Variants in DPP6 observed in about 807,000 individuals in gnomAD.
The protein encoded by DPP6 is A-type potassium channel modulatory protein DPP6.
A neutral mutation model predicts 122.6 loss-of-function variants in DPP6; 69 were observed. The ratio of observed to expected loss-of-function variants is 0.56; its 90% confidence interval spans 0.46 to 0.69. The LOEUF (loss-of-function observed/expected upper bound fraction) is 0.69. Ranked by LOEUF, DPP6 falls within the 30% of genes least tolerant of loss-of-function variation. The pLI, the probability that DPP6 is intolerant of heterozygous loss-of-function variation, is 0.00. For synonymous variants in DPP6, 418 were observed against 433.1 expected, an observed-to-expected ratio of 0.97 and a Z score of 0.43; for missense variants, 928 against 1,116.9, an observed-to-expected ratio of 0.83 and a Z score of 2.41.
chr7:154,126,048 G>C (rs941564285), intron 1 of DPP6, among the ~76,000 whole-genome samples: 2 of 152,196 alleles, frequency 1.3e-5, no homozygotes. Flanking sequence ...CTCACTGTAA[G>C]AAGTGGTACC....
At chr7:154,061,381 G>C (rs879673929) in intron 1 of DPP6, among the ~76,000 whole-genome samples, 1 of 143,666 alleles carries the variant, frequency 7.0e-6, no homozygotes, top group Non-Finnish European at 1.5e-5. Context: ...ATGGCAGCTG[G>C]ACTTTTAACC....
intron 1 of DPP6, among the ~76,000 whole-genome samples, chr7:153,987,739 G>C (rs1278159113): frequency 6.6e-6 from 1 of 152,092 alleles, no homozygotes; most frequent in Non-Finnish European, 1.5e-5. Flanking sequence ...TTCTCCATCT[G>C]TTTCCCCTTG....
chr7:154,629,405 T>C (rs1835277296), intron 5 of DPP6, among the ~76,000 whole-genome samples: 1 of 152,168 alleles, frequency 6.6e-6, no homozygotes, highest in Non-Finnish European at 1.5e-5. Flanking sequence ...TCCTTTTTTT[T>C]CTCTTTTTTA....
chr7:154,566,826 C>T lies in DPP6; in HGVS notation c.553-16C>T, dbSNP rs761051001. 2 of 1,443,222 alleles carry T rather than the reference C, an allele frequency of 1.4e-6. No individual in the cohort carries two copies. Among genetic ancestry groups the T allele is most frequent in the Non-Finnish European group, 1.9e-6 (2 of 1,035,950 alleles). The allele number at this position is 1,443,222 out of a possible 1,614,324, so 89.4% of individuals were successfully genotyped here. A position where few individuals can be genotyped will look rare whatever the true frequency, so the allele number is the denominator to read the frequency against. ...TATGTAATGCTTTAAAATTCTTTGT[C>T]TATTTTTTCTTTTAGGAATCATTAA... On this transcript the variant is annotated splice_polypyrimidine_tract_variant and intron_variant, in intron 4 of 25. Coordinates refer to ENST00000377770, the MANE Select transcript of DPP6 (RefSeq NM_130797.4).
the DPP6 span, among the ~76,000 whole-genome samples, chr7:153,829,834 C>T: frequency 5.1e-4 from 77 of 152,276 alleles, no homozygotes; most frequent in African/African-American, 1.8e-3. Flanking sequence ...CCGATTGTTT[C>T]GGGTACTCTT....
the DPP6 span, among the ~76,000 whole-genome samples, chr7:153,824,557 G>A: frequency 4.0e-3 from 608 of 151,948 alleles, 1 homozygote; most frequent in African/African-American, 0.014. Context: ...CATGGTGGGC[G>A]CCTGTAGTCT....
chr7:154,583,802 G>A (rs79101242), intron 5 of DPP6, among the ~76,000 whole-genome samples: 2,061 of 152,192 alleles, frequency 0.014, 66 homozygotes, highest in African/African-American at 0.047. Context: ...TGCTGTCTCC[G>A]GGGAACGTAG....
intron 1 of DPP6, among the ~76,000 whole-genome samples, chr7:154,437,072 T>C (rs1283278846): frequency 2.6e-5 from 4 of 152,184 alleles, no homozygotes; most frequent in Admixed American, 6.5e-5. Flanking sequence ...CCCATGAAGA[T>C]GTCCGTATCC....
At chr7:154,739,152 A>G (rs1218780763) in intron 8 of DPP6, among the ~76,000 whole-genome samples, 1 of 152,136 alleles carries the variant, frequency 6.6e-6, no homozygotes, top group Non-Finnish European at 1.5e-5. Context: ...CGCATGACTC[A>G]TTGTCCAGAA....
chr7:154,212,148 C>A lies in DPP6; in HGVS notation c.243+159085C>A, dbSNP rs907534448. On this transcript the variant is annotated intron_variant, in intron 1 of 25. Coordinates refer to ENST00000377770, the MANE Select transcript of DPP6 (RefSeq NM_130797.4). ...TATGAAACTGCCATCACTCCCATGCCTGCCTCTTCTCTGTGGAGACAACTT... is the reference window on the plus strand; with the variant it reads ...TATGAAACTGCCATCACTCCCATGCATGCCTCTTCTCTGTGGAGACAACTT... Among the ~76,000 whole-genome samples, 6 of 152,158 alleles carry A rather than the reference C, an allele frequency of 3.9e-5. 1 individual carries two copies. Among genetic ancestry groups the A allele is most frequent in the Admixed American group, 2.0e-4 (3 of 15,282 alleles).
In DPP6 at chr7:154,503,963, GA is replaced by G. The variant is rs533881621; in HGVS notation, c.457+28934del. Among the ~76,000 whole-genome samples, 171 of 151,830 alleles carry G rather than the reference GA, an allele frequency of 1.1e-3. 4 individuals carry two copies. The South Asian group carries it at 0.014, about 12-fold the overall frequency. On this transcript the variant is annotated intron_variant, in intron 3 of 25. Coordinates refer to ENST00000377770, the MANE Select transcript of DPP6 (RefSeq NM_130797.4). ...TGTACCCTGAAACTTAAAAGTTGAT[GA>G]AAAAAAACCAATGTTCCTGATTTAT...
chr7:154,326,662 G>T (rs933187960), intron 1 of DPP6, among the ~76,000 whole-genome samples: 1 of 152,188 alleles, frequency 6.6e-6, no homozygotes, highest in Non-Finnish European at 1.5e-5. Context: ...TAAAACATTT[G>T]CAGGCTACTG....
chr7:153,857,737 A>G, the DPP6 span, among the ~76,000 whole-genome samples: 1 of 152,234 alleles, frequency 6.6e-6, no homozygotes, highest in African/African-American at 2.4e-5. Flanking sequence ...GTGCTTTTTT[A>G]TAAAGATAAG....
intron 1 of DPP6, among the ~76,000 whole-genome samples, chr7:154,152,284 A>G (rs1054158304): frequency 1.3e-5 from 2 of 152,102 alleles, no homozygotes; most frequent in African/African-American, 2.4e-5. Context: ...TGTCCAGCAC[A>G]TGAACCAGGG....
chr7:153,889,951 GAGTGATCATTT>G (rs1799115110), intron 1 of DPP6, among the ~76,000 whole-genome samples: 2 of 152,356 alleles, frequency 1.3e-5, no homozygotes, highest in South Asian at 4.1e-4. Flanking sequence ...GGCTTCAGTT[GAGTGATCATTT>G]AGGACTTACC....
intron 2 of DPP6, among the ~76,000 whole-genome samples, chr7:154,462,024 A>G (rs1318995116): frequency 6.6e-6 from 1 of 151,724 alleles, no homozygotes; most frequent in African/African-American, 2.4e-5. Flanking sequence ...ATCCATTTTG[A>G]TTTGATTTTT....
intron 1 of DPP6, among the ~76,000 whole-genome samples, chr7:154,054,974 A>G (rs1322796611): frequency 5.3e-5 from 8 of 152,158 alleles, no homozygotes; most frequent in Non-Finnish European, 1.5e-5. Flanking sequence ...ACATGTGTCT[A>G]GAAATGATTC....
At chr7:154,532,644 A>G (rs1396921780) in intron 3 of DPP6, among the ~76,000 whole-genome samples, 1 of 152,156 alleles carries the variant, frequency 6.6e-6, no homozygotes, top group Non-Finnish European at 1.5e-5. Context: ...GTAGGGAGAT[A>G]AATGCAGATG....
intron 1 of DPP6, among the ~76,000 whole-genome samples, chr7:154,060,403 T>A (rs1327141309): frequency 8.1e-6 from 1 of 123,396 alleles, no homozygotes; most frequent in Admixed American, 7.7e-5. Context: ...AGGACCCCCA[T>A]CGCAGAGGGG....
Sources: allele counts gnomAD v4.1 joint callset (sites outside exome capture counted in the v4.1 genomes callset), GRCh38; gene constraint gnomAD v4.1.1; transcripts MANE v1.5; gene names NCBI Gene and HGNC (gene_info 2026-07-23, HGNC 2026-07-21).